The following MTDH variants were observed in gnomAD, a reference collection of about 807,000 sequenced individuals.
MTDH encodes the protein protein LYRIC.
A neutral mutation model predicts 72.7 loss-of-function variants in MTDH; 34 were observed. The observed-to-expected ratio is 0.47, with a 90% CI of 0.36 to 0.62. MTDH has a LOEUF of 0.62. Among genes scored for constraint, MTDH ranks in the 20% least tolerant of loss-of-function variants. The pLI is 0.00. For missense variants in MTDH, 677 were observed against 699.4 expected (o/e 0.97, Z 0.36); for synonymous variants, 266 against 268.9 (o/e 0.99, Z 0.10).
chr8:97,710,175 T>G (rs2131058313), intron 8 of MTDH, among the ~76,000 whole-genome samples: 1 of 152,324 alleles, frequency 6.6e-6, no homozygotes, highest in Admixed American at 6.5e-5. Flanking sequence ...AGATTTTGTT[T>G]TGTTTTTCCA....
At chr8:97,682,984 G>A (rs1029599389) in intron 2 of MTDH, among the ~76,000 whole-genome samples, 5 of 143,690 alleles carry the variant, frequency 3.5e-5, no homozygotes, top group Non-Finnish European at 7.6e-5. Context: ...CAAGGGTAAA[G>A]TGGATCAGAA....
intron 2 of MTDH, among the ~76,000 whole-genome samples, chr8:97,681,643 A>G (rs1813079858): frequency 6.6e-6 from 1 of 151,578 alleles, no homozygotes; most frequent in South Asian, 2.1e-4. Context: ...ACAGGCATGC[A>G]CCAGCACGCT....
intron 8 of MTDH, among the ~76,000 whole-genome samples, chr8:97,712,473 T>C (rs1346083656): frequency 6.6e-6 from 1 of 152,236 alleles, no homozygotes; most frequent in Non-Finnish European, 1.5e-5. Flanking sequence ...TCAGTTTCTT[T>C]AACCATTTAC....
rs138227926 is a variant in MTDH at position 97,685,241 on chromosome 8, ATT to A, written c.484-1426_484-1425del. 9.5e-4 allele frequency among the ~76,000 whole-genome samples: 144 copies of A among 152,270 alleles called. No individual in the cohort carries two copies. The East Asian group carries it at 0.025, about 27-fold the overall frequency. On this transcript the variant is annotated intron_variant, in intron 2 of 11. Coordinates refer to ENST00000336273, the MANE Select transcript of MTDH (RefSeq NM_178812.4). ...GTACATGTAATAAAGCAGTATATTA[ATT>A]ATACATACTGTAATAAAACAGTGTA...
chr8:97,719,206 A>T lies in MTDH; in HGVS notation c.1521+17A>T. ...AATAGCCAGGTAATTTTTAAGAATA[A>T]TAAAGTTGCCGGGCGCAGTGGCTTA... is the stretch of plus-strand genomic sequence containing the variant. On this transcript the variant is annotated intron_variant, in intron 10 of 11. Coordinates refer to ENST00000336273, the MANE Select transcript of MTDH (RefSeq NM_178812.4). The T allele has an allele frequency of 6.2e-7, 1 of 1,610,052 alleles. No individual in the cohort carries two copies. The highest frequency in any genetic ancestry group is 8.5e-7 in the Non-Finnish European group (1 of 1,178,722).
intron 1 of MTDH, among the ~76,000 whole-genome samples, chr8:97,650,554 C>T (rs1811732179): frequency 1.3e-5 from 2 of 152,248 alleles, no homozygotes; most frequent in South Asian, 2.1e-4. Flanking sequence ...GAATTACAAG[C>T]GTTAGTCACT....
chr8:97,718,194 C>G (rs1814953576), intron 9 of MTDH, among the ~76,000 whole-genome samples: 1 of 152,052 alleles, frequency 6.6e-6, no homozygotes, highest in Non-Finnish European at 1.5e-5. Flanking sequence ...AGGCGTGCGC[C>G]ACCACACCCA....
chr8:97,653,117 CAAAAAAA>C (rs1028751866), intron 1 of MTDH, among the ~76,000 whole-genome samples: 1 of 114,660 alleles, frequency 8.7e-6, no homozygotes, highest in Non-Finnish European at 1.8e-5. Flanking sequence ...GACTCTGTCT[CAAAAAAA>C]GAAAAAAAAA....
At position 97,729,439 on chromosome 8, in the gene MTDH, A is replaced by G. The variant is rs1214312316; in HGVS notation, c.*4769A>G. On this transcript the variant is annotated 3_prime_UTR_variant, in exon 12 of 12. Coordinates refer to ENST00000336273, the MANE Select transcript of MTDH (RefSeq NM_178812.4). The stretch of plus-strand genomic sequence containing the variant: ...GACGTAATATTCTATCTGGGTTGTC[A>G]TGGGCCAAATTAACATTTTGAGATT... Among the ~76,000 whole-genome samples, 1 of 152,146 alleles carries G rather than the reference A, an allele frequency of 6.6e-6. No individual in the cohort carries two copies. Among genetic ancestry groups the G allele is most frequent in the African/African-American group, 2.4e-5 (1 of 41,454 alleles).
chr8:97,720,646 C>CTTTTTTTTTTTTTTTTTTTTTTT, intron 10 of MTDH, among the ~76,000 whole-genome samples: 1 of 126,546 alleles, frequency 7.9e-6, no homozygotes. Flanking sequence ...GTCTATTTGA[C>CTTTTTTTTTTTTTTTTTTTTTTT]TTTTTTTTTT....
At chr8:97,716,104 T>C (rs530796604) in intron 9 of MTDH, among the ~76,000 whole-genome samples, 10 of 152,282 alleles carry the variant, frequency 6.6e-5, no homozygotes, top group Non-Finnish European at 1.2e-4. Flanking sequence ...TAAAAGGTTA[T>C]GGCTGGGCGC....
At chr8:97,694,910 G>T (rs1352436548) in intron 6 of MTDH, among the ~76,000 whole-genome samples, 1 of 151,520 alleles carries the variant, frequency 6.6e-6, no homozygotes, top group Non-Finnish European at 1.5e-5. Context: ...GCAACAGAGC[G>T]AGACTCCCTC....
intron 2 of MTDH, among the ~76,000 whole-genome samples, chr8:97,681,491 C>CTTTTT (rs35262209): frequency 1.7e-4 from 18 of 108,860 alleles, no homozygotes; most frequent in Non-Finnish European, 2.4e-4. Context: ...AGAATTTTTT[C>CTTTTT]TTTTTTTTTT....
At position 97,689,058 on chromosome 8, in the gene MTDH, C is replaced by T; in HGVS notation, c.766C>T (p.Gln256Ter). ...KNKGDSHLNV[Q>*]VSNFKSGKGD... ...ACCAGGTGATTCTCATCTAAATGTT[C>T]AAGTTAGCAACTTTAAATCTGGAAA... Residue 256 changes from glutamine to a stop codon, truncating the protein, a stop_gained, in exon 5 of 12, where the codon CAA (glutamine) becomes TAA (stop). Coordinates refer to ENST00000336273, the MANE Select transcript of MTDH (RefSeq NM_178812.4). LOFTEE classifies it high-confidence loss of function. 6.3e-7 allele frequency: 1 copy of T among 1,579,214 alleles called. No homozygotes were observed. Among genetic ancestry groups the T allele is most frequent in the East Asian group, 2.3e-5 (1 of 44,406 alleles).
chr8:97,704,191 C>T (rs1330365938), intron 7 of MTDH, among the ~76,000 whole-genome samples: 1 of 152,212 alleles, frequency 6.6e-6, no homozygotes, highest in African/African-American at 2.4e-5. Flanking sequence ...TTTGTTTCCA[C>T]AGCCCCCATG....
intron 10 of MTDH, among the ~76,000 whole-genome samples, chr8:97,720,722 C>T (rs1177058127): frequency 5.4e-5 from 8 of 148,228 alleles, no homozygotes; most frequent in East Asian, 2.0e-4. Context: ...TCCGCAATCT[C>T]GGCTCGCTGC....
intron 2 of MTDH, among the ~76,000 whole-genome samples, chr8:97,685,182 T>C (rs1586243429): frequency 1.3e-5 from 2 of 152,160 alleles, no homozygotes; most frequent in African/African-American, 4.8e-5. Flanking sequence ...TCTCCACATA[T>C]CTTTTTTTTT....
intron 6 of MTDH, among the ~76,000 whole-genome samples, chr8:97,694,275 A>G (rs1191753113): frequency 6.7e-6 from 1 of 148,830 alleles, no homozygotes; most frequent in African/African-American, 2.5e-5. Flanking sequence ...TCGGCTCACC[A>G]CAACCACCGC....
At chr8:97,699,433 T>C (rs1814012317) in intron 6 of MTDH, among the ~76,000 whole-genome samples, 1 of 148,766 alleles carries the variant, frequency 6.7e-6, no homozygotes, top group Non-Finnish European at 1.5e-5. Flanking sequence ...TGAGATCCTG[T>C]CTCAAAAAAA....
Sources: allele counts gnomAD v4.1 joint callset (sites outside exome capture counted in the v4.1 genomes callset), GRCh38; gene constraint gnomAD v4.1.1; transcripts MANE v1.5; gene names NCBI Gene and HGNC (gene_info 2026-07-23, HGNC 2026-07-21).